Variants in CELF2 observed in about 807,000 individuals in gnomAD.
The protein encoded by CELF2 is CUG triplet repeat RNA-binding protein 2.
In CELF2, 8 loss-of-function variants were observed where a neutral mutation model predicts 62.6. The observed-to-expected ratio is 0.13, with a 90% CI of 0.07 to 0.23. The LOEUF is 0.23. Among genes scored for constraint, CELF2 ranks in the 10% least tolerant of loss-of-function variants. The pLI is 1.00. For missense variants in CELF2, 333 were observed against 671.0 expected (o/e 0.50, Z 5.56); for synonymous variants, 258 against 250.0 (o/e 1.03, Z -0.30).
chr10:10,636,322 T>G, the CELF2 span, among the ~76,000 whole-genome samples: 1 of 152,240 alleles, frequency 6.6e-6, no homozygotes, highest in Non-Finnish European at 1.5e-5. Context: ...GAGCCATAAT[T>G]AACACGAGTT....
intron 1 of CELF2, among the ~76,000 whole-genome samples, chr10:11,034,777 C>T (rs532823337): frequency 2.0e-4 from 31 of 152,138 alleles, no homozygotes; most frequent in Non-Finnish European, 3.7e-4. Context: ...GGATTTTTAT[C>T]GAGCCTGTCC....
At chr10:10,671,165 C>CA in the CELF2 span, among the ~76,000 whole-genome samples, 1,829 of 62,174 alleles carry the variant, frequency 0.029, 60 homozygotes, top group African/African-American at 0.077. Flanking sequence ...GATCCTGTCT[C>CA]AAAAAAAAAA....
At chr10:10,642,840 C>T in the CELF2 span, among the ~76,000 whole-genome samples, 21 of 152,212 alleles carry the variant, frequency 1.4e-4, no homozygotes, top group African/African-American at 4.6e-4. Context: ...TGGGTTGCAC[C>T]GGCAGCCAGT....
the CELF2 span, among the ~76,000 whole-genome samples, chr10:10,596,529 A>G: frequency 6.6e-6 from 1 of 152,190 alleles, no homozygotes. Flanking sequence ...TGCAAAAACC[A>G]TAGGTGGCCT....
At position 11,053,829 on chromosome 10, in the gene CELF2, C is replaced by T. The variant is rs111471794; in HGVS notation, c.74+35666C>T. ...TGGGGTTTCACCATGTTAGCCAGGA[C>T]GGTCTCAATCTCCTGACCTCGTGAT... On this transcript the variant is annotated intron_variant, in intron 1 of 12. Coordinates refer to ENST00000633077, the MANE Select transcript of CELF2 (RefSeq NM_001326342.2). Among the ~76,000 whole-genome samples, 872 of 151,800 alleles carry T rather than the reference C, an allele frequency of 5.7e-3. 3 individuals are homozygous for T. Among genetic ancestry groups the T allele is most frequent in the Admixed American group, 0.012 (177 of 15,256 alleles).
intron 1 of CELF2, among the ~76,000 whole-genome samples, chr10:10,917,143 A>G (rs985794416): frequency 6.6e-6 from 1 of 152,184 alleles, no homozygotes; most frequent in African/African-American, 2.4e-5. Flanking sequence ...TACCATAAAC[A>G]GGTTGGGGAA....
the CELF2 span, among the ~76,000 whole-genome samples, chr10:10,621,436 C>G: frequency 1.2e-4 from 18 of 152,046 alleles, no homozygotes; most frequent in Non-Finnish European, 2.4e-4. Context: ...ACATCCAGAA[C>G]AAAGAAGCGT....
chr10:10,661,428 G>A, the CELF2 span, among the ~76,000 whole-genome samples: 11 of 152,282 alleles, frequency 7.2e-5, no homozygotes, highest in Admixed American at 4.6e-4. Context: ...ACACATCTGC[G>A]TGGTTTCCAG....
At chr10:10,622,511 C>T in the CELF2 span, among the ~76,000 whole-genome samples, 2 of 151,700 alleles carry the variant, frequency 1.3e-5, no homozygotes, top group African/African-American at 4.8e-5. Flanking sequence ...TAAAATAGGT[C>T]AGGAGCTGTG....
At chr10:11,138,594 A>G (rs1018604864) in intron 1 of CELF2, among the ~76,000 whole-genome samples, 4 of 152,250 alleles carry the variant, frequency 2.6e-5, no homozygotes, top group Non-Finnish European at 1.5e-5. Context: ...ATCATCGAAC[A>G]GTAAAAAGAT....
At chr10:11,192,869 G>A (rs2076571158) in intron 2 of CELF2, among the ~76,000 whole-genome samples, 1 of 152,222 alleles carries the variant, frequency 6.6e-6, no homozygotes, top group Non-Finnish European at 1.5e-5. Context: ...GCACCTGAAG[G>A]TATTGAGGTG....
chr10:10,515,939 A>G, the CELF2 span, among the ~76,000 whole-genome samples: 1 of 152,208 alleles, frequency 6.6e-6, no homozygotes, highest in South Asian at 2.1e-4. Flanking sequence ...AAATGAAATA[A>G]TGGTGCGTTT....
At chr10:10,608,787 G>A in the CELF2 span, among the ~76,000 whole-genome samples, 1 of 152,122 alleles carries the variant, frequency 6.6e-6, no homozygotes, top group Non-Finnish European at 1.5e-5. Context: ...ATATCTTTCT[G>A]TATTATCTGG....
At chr10:11,287,584 G>T in intron 8 of CELF2, among the ~76,000 whole-genome samples, 1 of 152,198 alleles carries the variant, frequency 6.6e-6, no homozygotes, top group Non-Finnish European at 1.5e-5. Flanking sequence ...GCTTTAAAAG[G>T]TAAATACAAA....
the CELF2 span, among the ~76,000 whole-genome samples, chr10:10,567,258 T>C: frequency 6.6e-6 from 1 of 152,210 alleles, no homozygotes. Flanking sequence ...GAGAATCGTG[T>C]TACACTTCCA....
upstream of CELF2, among the ~76,000 whole-genome samples, chr10:10,798,067 A>C (rs755114189): frequency 1.3e-5 from 2 of 152,176 alleles, no homozygotes; most frequent in Non-Finnish European, 2.9e-5. Context: ...ATGTTATTTA[A>C]AAACACAAGA....
chr10:11,107,518 TTGA>T (rs571805354), intron 1 of CELF2, among the ~76,000 whole-genome samples: 236 of 152,204 alleles, frequency 1.6e-3, no homozygotes, highest in African/African-American at 5.5e-3. Context: ...TAGTTGTAGT[TTGA>T]ATTCACACTT....
intron 1 of CELF2, among the ~76,000 whole-genome samples, chr10:10,896,473 G>A: frequency 6.6e-6 from 1 of 152,020 alleles, no homozygotes; most frequent in East Asian, 1.9e-4. Flanking sequence ...TTTGGAAATA[G>A]GGTCTTTGGA....
chr10:10,976,246 A>G (rs1398337556), intron 2 of CELF2, among the ~76,000 whole-genome samples: 2 of 152,158 alleles, frequency 1.3e-5, no homozygotes, highest in Non-Finnish European at 2.9e-5. Context: ...CTCCTACCTC[A>G]CTATTACTCC....
Sources: gnomAD v4.1 joint callset for allele counts (sites outside exome capture counted in the v4.1 genomes callset) on GRCh38, gnomAD v4.1.1 for gene constraint, MANE v1.5 for transcripts, NCBI Gene and HGNC (gene_info 2026-07-23, HGNC 2026-07-21) for gene names.